Variants in SPAST observed in about 807,000 individuals in gnomAD.
SPAST encodes the protein spastin, also known as spastic paraplegia 4 (autosomal dominant; spastin).
Under a neutral mutation model 76.6 loss-of-function variants are expected in SPAST, and 30 were observed. The ratio of observed to expected loss-of-function variants is 0.39; its 90% CI spans 0.29 to 0.53. The LOEUF is 0.53. Among genes scored for constraint, SPAST ranks in the 20% least tolerant of loss-of-function variants. SPAST has a pLI of 0.68. For missense variants in SPAST, 717 were observed against 770.5 expected (o/e 0.93, Z 0.82); for synonymous variants, 305 against 281.0 (o/e 1.09, Z -0.86).
intron 1 of SPAST, among the ~76,000 whole-genome samples, chr2:32,081,914 T>C (rs760211030): frequency 6.7e-6 from 1 of 150,344 alleles, no homozygotes; most frequent in Non-Finnish European, 1.5e-5. Flanking sequence ...ATATGGTCCC[T>C]CCTTTCTAAA....
chr2:32,135,120 G>GTGTT (rs1324604733), intron 9 of SPAST, among the ~76,000 whole-genome samples: 1 of 147,796 alleles, frequency 6.8e-6, no homozygotes, highest in African/African-American at 2.5e-5. Flanking sequence ...TGATAATTTT[G>GTGTT]TGTGTGTGTG....
chr2:32,073,637 T>C (rs1676839185), intron 1 of SPAST, among the ~76,000 whole-genome samples: 2 of 152,276 alleles, frequency 1.3e-5, no homozygotes, highest in South Asian at 4.1e-4. Context: ...CCAGTTTTCT[T>C]CACTCTTGAC....
chr2:32,147,617 G>A (rs952985427), intron 16 of SPAST, among the ~76,000 whole-genome samples: 4 of 117,774 alleles, frequency 3.4e-5, no homozygotes, highest in Non-Finnish European at 7.2e-5. Context: ...GCATCTGGCT[G>A]TTTTGTTTGT....
chr2:32,076,828 C>CT (rs1676979552), intron 1 of SPAST, among the ~76,000 whole-genome samples: 1 of 151,966 alleles, frequency 6.6e-6, no homozygotes, highest in South Asian at 2.1e-4. Flanking sequence ...TCTCAAGCAG[C>CT]TGGGACTATA....
chr2:32,100,873 G>A (rs1423467887), intron 4 of SPAST, among the ~76,000 whole-genome samples: 1 of 152,106 alleles, frequency 6.6e-6, no homozygotes, highest in Non-Finnish European at 1.5e-5. Context: ...ATGGACATTT[G>A]CATTGATTCC....
At chr2:32,117,662 G>C (rs1678887250) in intron 7 of SPAST, among the ~76,000 whole-genome samples, 1 of 151,196 alleles carries the variant, frequency 6.6e-6, no homozygotes, top group Non-Finnish European at 1.5e-5. Flanking sequence ...CTCCTGAGTA[G>C]CTGGGTCTAT....
At chr2:32,086,771 A>T (rs1677498650) in intron 1 of SPAST, among the ~76,000 whole-genome samples, 1 of 152,164 alleles carries the variant, frequency 6.6e-6, no homozygotes, top group African/African-American at 2.4e-5. Flanking sequence ...AAAAAAAGAA[A>T]AAAAGTCTAA....
At chr2:32,092,743 C>T (rs1186800108) in intron 3 of SPAST, among the ~76,000 whole-genome samples, 1 of 152,110 alleles carries the variant, frequency 6.6e-6, no homozygotes, top group Non-Finnish European at 1.5e-5. Flanking sequence ...CGCGGTGGCT[C>T]ACACCTATAA....
intron 4 of SPAST, among the ~76,000 whole-genome samples, chr2:32,104,371 A>G (rs1678238579): frequency 6.6e-6 from 1 of 152,228 alleles, no homozygotes; most frequent in Non-Finnish European, 1.5e-5. Flanking sequence ...GGTTTCCTGA[A>G]TACAGCACAC....
In SPAST at chr2:32,154,568, C is replaced by T. The variant is rs966210449; in HGVS notation, c.*72C>T. On this transcript the variant is annotated 3_prime_UTR_variant, in exon 17 of 17. Transcript: ENST00000315285. Reference sequence around the variant, plus strand: ...ACACAAGATCTTCAATGAACGTCATCGGCTACAGAAACAGCCTAAGTTTAC... The same window carrying T: ...ACACAAGATCTTCAATGAACGTCATTGGCTACAGAAACAGCCTAAGTTTAC... 9 of 1,495,666 alleles carry T rather than the reference C, an allele frequency of 6.0e-6. 1 individual carries two copies. The Admixed American group carries it at 1.2e-4, about 20-fold the overall frequency. 92.6% of individuals were successfully genotyped at this position (1,495,666 alleles called of 1,614,324 possible).
At chr2:32,075,867 T>TC (rs1457825802) in intron 1 of SPAST, among the ~76,000 whole-genome samples, 3 of 147,194 alleles carry the variant, frequency 2.0e-5, no homozygotes, top group African/African-American at 7.5e-5. Flanking sequence ...GGCTTTTTTT[T>TC]TTTTTTTTAA....
At chr2:32,112,537 G>A (rs1047495357) in intron 4 of SPAST, among the ~76,000 whole-genome samples, 4 of 152,000 alleles carry the variant, frequency 2.6e-5, no homozygotes, top group East Asian at 1.9e-4. Flanking sequence ...TAGTAGAGAC[G>A]GGGTTTCACC....
chr2:32,154,762 T>G lies in SPAST; in HGVS notation c.*266T>G, dbSNP rs1680200307. ...AAGTTAGAGCACAACAAAACCTGAT[T>G]CTGGTCTTCTTTACCAATATAATCA... On this transcript the variant is annotated 3_prime_UTR_variant, in exon 17 of 17. Coordinates refer to ENST00000315285, the MANE Select transcript of SPAST (RefSeq NM_014946.4). The G allele has an allele frequency of 2.3e-6, 1 of 435,402 alleles. No homozygotes were observed. Among genetic ancestry groups the G allele is most frequent in the South Asian group, 2.6e-5 (1 of 38,770 alleles). 27.0% of individuals were successfully genotyped at this position (435,402 alleles called of 1,614,324 possible).
intron 4 of SPAST, among the ~76,000 whole-genome samples, chr2:32,104,247 C>T (rs1456220647): frequency 6.6e-6 from 1 of 152,118 alleles, no homozygotes; most frequent in Non-Finnish European, 1.5e-5. Context: ...GGTTTAAAGT[C>T]TGTTTTATCA....
At chr2:32,069,778 C>T (rs542846433) in intron 1 of SPAST, among the ~76,000 whole-genome samples, 1 of 152,004 alleles carries the variant, frequency 6.6e-6, no homozygotes, top group Admixed American at 6.6e-5. Flanking sequence ...CCAGTACGGT[C>T]TCGATCTCCT....
At chr2:32,082,408 C>G (rs1677275025) in intron 1 of SPAST, among the ~76,000 whole-genome samples, 1 of 151,978 alleles carries the variant, frequency 6.6e-6, no homozygotes, top group Non-Finnish European at 1.5e-5. Flanking sequence ...TGTTAAAAAT[C>G]AGATCTGCTG....
chr2:32,091,486 AG>A (rs1476177677), intron 3 of SPAST, among the ~76,000 whole-genome samples: 1 of 148,502 alleles, frequency 6.7e-6, no homozygotes, highest in Non-Finnish European at 1.5e-5. Flanking sequence ...CATGTTGGCC[AG>A]GCTGGTCTCA....
At chr2:32,097,480 A>T (rs564664477) in intron 3 of SPAST, among the ~76,000 whole-genome samples, 1 of 152,242 alleles carries the variant, frequency 6.6e-6, no homozygotes, top group East Asian at 1.9e-4. Flanking sequence ...TTTTGTATGC[A>T]ACTGTGCACA....
intron 12 of SPAST, among the ~76,000 whole-genome samples, chr2:32,139,152 T>C (rs1451943499): frequency 6.6e-6 from 1 of 152,210 alleles, no homozygotes; most frequent in African/African-American, 2.4e-5. Context: ...TTTTTTTGCT[T>C]CCATATGAAT....
Sources: allele counts gnomAD v4.1 joint callset (sites outside exome capture counted in the v4.1 genomes callset), GRCh38; gene constraint gnomAD v4.1.1; transcripts MANE v1.5; gene names NCBI Gene and HGNC (gene_info 2026-07-23, HGNC 2026-07-21).